The following XKR9 variants were observed in gnomAD, a reference collection of about 807,000 sequenced individuals.
XKR9 encodes the protein XK related 9.
Under a neutral mutation model 32.0 loss-of-function variants are expected in XKR9, and 32 were observed. The observed-to-expected ratio is 1.00, with a 90% confidence interval of 0.76 to 1.34. XKR9 has a LOEUF of 1.34. Among genes scored for constraint, XKR9 ranks in the 40% most tolerant of loss-of-function variants. XKR9 has a pLI of 0.00. For missense variants in XKR9, 546 were observed against 429.7 expected (o/e 1.27, Z -2.39); for synonymous variants, 168 against 143.4 (o/e 1.17, Z -1.22).
In XKR9 at chr8:70,755,548, A is replaced by G. The variant is rs545993419; in HGVS notation, n.353-33791A>G. 3.0e-3 allele frequency among the ~76,000 whole-genome samples: 461 copies of G among 152,056 alleles called. 4 individuals are homozygous for G. The highest frequency in any genetic ancestry group is 9.4e-3 in the African/African-American group (388 of 41,416). On this transcript the variant is annotated intron_variant and non_coding_transcript_variant, in intron 2 of 3. Transcript: ENST00000520273. ...TGATAGACTGGATTAAGTAAATGTG[A>G]CACATATACACCATGGAATACTATG...
At chr8:70,788,241 T>A (rs1351052355) in intron 2 of XKR9, among the ~76,000 whole-genome samples, 1 of 152,044 alleles carries the variant, frequency 6.6e-6, no homozygotes, top group African/African-American at 2.4e-5. Flanking sequence ...GTACATGAAT[T>A]GTGCATAGCT....
chr8:70,882,343 A>G, the XKR9 span, among the ~76,000 whole-genome samples: 14 of 151,880 alleles, frequency 9.2e-5, no homozygotes, highest in Non-Finnish European at 1.9e-4. Context: ...AGATTTAAAA[A>G]ATGCAGAAGG....
intron 1 of XKR9, among the ~76,000 whole-genome samples, chr8:70,671,507 C>G (rs1484028248): frequency 2.3e-5 from 2 of 85,434 alleles, no homozygotes; most frequent in African/African-American, 7.2e-5. Flanking sequence ...CCACAGTCCC[C>G]AGAGTGTGAT....
intron 3 of XKR9, among the ~76,000 whole-genome samples, chr8:70,706,425 C>G (rs13254637): frequency 0.13 from 19,985 of 152,028 alleles, 1,713 homozygotes; most frequent in African/African-American, 0.24. Context: ...AAGATTCAAT[C>G]TCATCTTCAA....
chr8:70,686,914 A>G (rs1392762920), intron 3 of XKR9, among the ~76,000 whole-genome samples: 1 of 152,150 alleles, frequency 6.6e-6, no homozygotes, highest in East Asian at 1.9e-4. Context: ...CATAAGGGTA[A>G]TTGGGATATT....
chr8:70,770,849 C>T (rs1225217077), intron 2 of XKR9, among the ~76,000 whole-genome samples: 1 of 152,198 alleles, frequency 6.6e-6, no homozygotes, highest in Non-Finnish European at 1.5e-5. Flanking sequence ...TTGTTGGGAT[C>T]TGTGTGGGTG....
At chr8:70,968,133 T>A in the XKR9 span, among the ~76,000 whole-genome samples, 8 of 152,206 alleles carry the variant, frequency 5.3e-5, no homozygotes, top group African/African-American at 1.9e-4. Flanking sequence ...TTTGTTTGTT[T>A]CTTTTTATTC....
the XKR9 span, among the ~76,000 whole-genome samples, chr8:70,798,311 T>C: frequency 6.6e-6 from 1 of 152,226 alleles, no homozygotes; most frequent in Non-Finnish European, 1.5e-5. Context: ...TGATTAGTGA[T>C]GTTGAGCATG....
chr8:70,869,314 T>C, the XKR9 span, among the ~76,000 whole-genome samples: 1 of 152,170 alleles, frequency 6.6e-6, no homozygotes, highest in Non-Finnish European at 1.5e-5. Flanking sequence ...GGAAAAAGGG[T>C]TTAGTGGACT....
At chr8:70,877,074 G>A in the XKR9 span, among the ~76,000 whole-genome samples, 1 of 152,134 alleles carries the variant, frequency 6.6e-6, no homozygotes, top group African/African-American at 2.4e-5. Context: ...TGGCTGGGGA[G>A]GCCTCAGGAA....
the XKR9 span, among the ~76,000 whole-genome samples, chr8:70,812,997 C>A: frequency 6.6e-6 from 1 of 152,050 alleles, no homozygotes; most frequent in East Asian, 1.9e-4. Context: ...CAATCCTAAG[C>A]CAAAAGAACA....
chr8:70,706,233 T>G (rs1335053991), intron 3 of XKR9, among the ~76,000 whole-genome samples: 2 of 152,190 alleles, frequency 1.3e-5, no homozygotes, highest in Non-Finnish European at 2.9e-5. Context: ...CAATTTTTTT[T>G]GTTATCGATT....
chr8:70,979,460 T>C, the XKR9 span, among the ~76,000 whole-genome samples: 1 of 152,236 alleles, frequency 6.6e-6, no homozygotes, highest in African/African-American at 2.4e-5. Flanking sequence ...TGCCGTTCCT[T>C]TCTGTTTGTT....
At chr8:70,714,434 G>A (rs1229887966) in intron 4 of XKR9, among the ~76,000 whole-genome samples, 2 of 150,842 alleles carry the variant, frequency 1.3e-5, no homozygotes, top group African/African-American at 4.9e-5. Context: ...CTCTAAATTT[G>A]TGGCTTTGTA....
At chr8:71,016,688 T>A in the XKR9 span, among the ~76,000 whole-genome samples, 6 of 152,210 alleles carry the variant, frequency 3.9e-5, no homozygotes, top group Non-Finnish European at 8.8e-5. Context: ...CCCAGTCACA[T>A]ATTTCAATTA....
intron 4 of XKR9, among the ~76,000 whole-genome samples, chr8:70,710,948 C>A (rs1026737471): frequency 6.6e-6 from 1 of 151,932 alleles, no homozygotes; most frequent in Non-Finnish European, 1.5e-5. Context: ...AACAAACAAC[C>A]CCGTTAAAAA....
At chr8:71,018,591 C>T in the XKR9 span, among the ~76,000 whole-genome samples, 1 of 152,030 alleles carries the variant, frequency 6.6e-6, no homozygotes, top group Admixed American at 6.6e-5. Context: ...AGATTATGGC[C>T]TGGATATATT....
the XKR9 span, among the ~76,000 whole-genome samples, chr8:70,967,914 TG>T: frequency 6.6e-6 from 1 of 152,234 alleles, no homozygotes; most frequent in Middle Eastern, 3.4e-3. Flanking sequence ...TTATGTGTCT[TG>T]GGGTTGATCT....
downstream of XKR9, among the ~76,000 whole-genome samples, chr8:70,794,384 C>A (rs1224822805): frequency 6.6e-6 from 1 of 152,018 alleles, no homozygotes; most frequent in Non-Finnish European, 1.5e-5. Context: ...ATTTCCAGTA[C>A]AATGTTGACT....
Sources: allele counts gnomAD v4.1 joint callset (sites outside exome capture counted in the v4.1 genomes callset), GRCh38; gene constraint gnomAD v4.1.1; transcripts MANE v1.5; gene names NCBI Gene and HGNC (gene_info 2026-07-23, HGNC 2026-07-21).